OSBPL1A: variants seen among roughly 807,000 people sequenced by gnomAD.
OSBPL1A encodes oxysterol-binding protein-related protein 1.
Under a neutral mutation model 137.1 loss-of-function variants are expected in OSBPL1A, and 80 were observed. That is an observed-to-expected ratio of 0.58 (90% CI 0.49 to 0.70). OSBPL1A has a LOEUF of 0.70. Ranked by LOEUF, OSBPL1A falls within the 30% of genes least tolerant of loss-of-function variation. The pLI is 0.00. For synonymous variants in OSBPL1A, 365 were observed against 389.7 expected, an observed-to-expected ratio of 0.94 and a Z score of 0.75; for missense variants, 970 against 1,129.4, an observed-to-expected ratio of 0.86 and a Z score of 2.02.
At chr18:24,342,049 A>C (rs1366077270) in intron 4 of OSBPL1A, among the ~76,000 whole-genome samples, 2 of 152,230 alleles carry the variant, frequency 1.3e-5, no homozygotes, top group African/African-American at 4.8e-5. Context: ...TGCCCAACAG[A>C]CCAAGATTTT....
At chr18:24,298,009 G>A (rs1046022788) in intron 14 of OSBPL1A, among the ~76,000 whole-genome samples, 6 of 152,142 alleles carry the variant, frequency 3.9e-5, no homozygotes, top group African/African-American at 1.4e-4. Context: ...TAGGAGGTCA[G>A]CACAAAATAC....
At chr18:24,267,776 T>C (rs1255650841) in intron 15 of OSBPL1A, among the ~76,000 whole-genome samples, 2 of 151,898 alleles carry the variant, frequency 1.3e-5, no homozygotes, top group African/African-American at 4.8e-5. Flanking sequence ...GGAAACTCTT[T>C]AAATCTGGTA....
intron 4 of OSBPL1A, among the ~76,000 whole-genome samples, chr18:24,342,290 G>T (rs1445103298): frequency 6.6e-6 from 1 of 152,112 alleles, no homozygotes; most frequent in East Asian, 1.9e-4. Context: ...AATTTCAAAT[G>T]ATAATGTACA....
intron 13 of OSBPL1A, among the ~76,000 whole-genome samples, chr18:24,306,544 T>C (rs550728839): frequency 1.3e-5 from 2 of 152,332 alleles, no homozygotes; most frequent in African/African-American, 2.4e-5. Flanking sequence ...GAGCACATAC[T>C]GTATGATTCC....
intron 16 of OSBPL1A, among the ~76,000 whole-genome samples, chr18:24,227,799 T>A (rs1262124941): frequency 1.3e-5 from 2 of 151,958 alleles, no homozygotes; most frequent in Non-Finnish European, 2.9e-5. Flanking sequence ...AGAAAAAAAA[T>A]GTAAAAAATC....
chr18:24,326,122 G>A (rs1242807862), intron 7 of OSBPL1A, among the ~76,000 whole-genome samples: 2 of 152,030 alleles, frequency 1.3e-5, no homozygotes. Flanking sequence ...AAAACATACA[G>A]AATTGTTCTT....
At chr18:24,173,508 G>GT (rs2086347878) in intron 21 of OSBPL1A, among the ~76,000 whole-genome samples, 1 of 152,172 alleles carries the variant, frequency 6.6e-6, no homozygotes, top group African/African-American at 2.4e-5. Context: ...CACCTCCCGG[G>GT]TTCAAGTGAT....
At chr18:24,241,854 T>C (rs1396251443) in intron 15 of OSBPL1A, among the ~76,000 whole-genome samples, 1 of 152,098 alleles carries the variant, frequency 6.6e-6, no homozygotes, top group Admixed American at 6.5e-5. Flanking sequence ...CTATTCACAA[T>C]AGCAAAGACT....
intron 17 of OSBPL1A, among the ~76,000 whole-genome samples, chr18:24,207,451 C>T (rs985896344): frequency 3.9e-5 from 6 of 152,148 alleles, no homozygotes; most frequent in Non-Finnish European, 8.8e-5. Context: ...TTGCACTTAA[C>T]AAATAAGTAT....
At chr18:24,278,602 G>A (rs1374337626) in intron 15 of OSBPL1A, among the ~76,000 whole-genome samples, 1 of 152,058 alleles carries the variant, frequency 6.6e-6, no homozygotes, top group Admixed American at 6.6e-5. Context: ...ATTAGAATAG[G>A]TTGATTGCTT....
rs749609462 is a variant in OSBPL1A, at chr18:24,239,345, T to C, written c.1319A>G (p.Asn440Ser). 1.9e-6 allele frequency: 3 copies of C among 1,613,872 alleles called. No individual in the cohort carries two copies. Among genetic ancestry groups the C allele is most frequent in the Middle Eastern group, 1.6e-4 (1 of 6,080 alleles). The change falls in exon 16 of 28, where the codon AAC becomes AGC. Residue 440 changes from asparagine to serine, a missense_variant. By Grantham distance (46) the Asn-to-Ser change is conservative (BLOSUM62 1). Around this residue, in one of 2 missense-constraint regions of OSBPL1A, gnomAD observed 647 missense variants for 672.6 expected, o/e 0.96. Transcript: ENST00000319481. The stretch of plus-strand genomic sequence containing the variant: ...CTCCAGTGCTTCTGACAAGATTTTG[T>C]TTTTTTCTTGCTCTTGTTCCAATTT... ...NFKLEQEQEK[N>S]KILSEALETL...
At chr18:24,293,904 C>T (rs2090239746) in intron 14 of OSBPL1A, among the ~76,000 whole-genome samples, 1 of 152,104 alleles carries the variant, frequency 6.6e-6, no homozygotes. Flanking sequence ...CTGGGGACAG[C>T]AAGTAGGTTT....
intron 21 of OSBPL1A, among the ~76,000 whole-genome samples, chr18:24,175,112 A>ATATATATATATATG (rs2086401026): frequency 6.1e-5 from 1 of 16,278 alleles, no homozygotes; most frequent in African/African-American, 9.0e-5. Flanking sequence ...GTGTATGTAT[A>ATATATATATATATG]TATATATATA....
intron 15 of OSBPL1A, among the ~76,000 whole-genome samples, chr18:24,276,651 G>A (rs572129983): frequency 3.3e-5 from 5 of 151,882 alleles, no homozygotes; most frequent in Non-Finnish European, 7.4e-5. Context: ...CACCATGTTA[G>A]CCAGGCTGGT....
At chr18:24,394,707 T>A (rs1244530273) in intron 1 of OSBPL1A, among the ~76,000 whole-genome samples, 1 of 152,224 alleles carries the variant, frequency 6.6e-6, no homozygotes, top group Non-Finnish European at 1.5e-5. Context: ...TGTATAATAA[T>A]ACTGACCATT....
chr18:24,386,050 G>T (rs866706062), intron 1 of OSBPL1A, among the ~76,000 whole-genome samples: 1 of 152,098 alleles, frequency 6.6e-6, no homozygotes, highest in Non-Finnish European at 1.5e-5. Context: ...AGGGAGCCAG[G>T]GGGAGAGCTC....
chr18:24,179,226 G>C (rs12968294), intron 20 of OSBPL1A: 86,349 of 156,178 alleles, frequency 0.55, 25,812 homozygotes, highest in Non-Finnish European at 0.68. Context: ...GAGCTCCTGG[G>C]CTCAAGAGAT....
chr18:24,355,942 G>A (rs137895465), intron 4 of OSBPL1A, among the ~76,000 whole-genome samples: 4 of 145,166 alleles, frequency 2.8e-5, no homozygotes, highest in African/African-American at 1.0e-4. Flanking sequence ...CTGAGATCAT[G>A]CCACTGCACT....
At chr18:24,301,967 G>A (rs755899529) in intron 14 of OSBPL1A, among the ~76,000 whole-genome samples, 3 of 152,102 alleles carry the variant, frequency 2.0e-5, no homozygotes, top group South Asian at 2.1e-4. Flanking sequence ...GGTGGCTCAC[G>A]CCTGTAATCC....
Sources: allele counts gnomAD v4.1 joint callset (sites outside exome capture counted in the v4.1 genomes callset), GRCh38; gene constraint gnomAD v4.1.1; regional missense constraint gnomAD v4.1.1; transcripts MANE v1.5; gene names NCBI Gene and HGNC (gene_info 2026-07-23, HGNC 2026-07-21).